Variants in ERC2 observed in about 807,000 individuals in gnomAD.
ERC2 encodes ERC protein 2.
Under a neutral mutation model 114.8 loss-of-function variants are expected in ERC2, and 42 were observed. The observed-to-expected ratio is 0.37, with a 90% CI of 0.29 to 0.47. ERC2 has a LOEUF of 0.47. Ranked by LOEUF, ERC2 falls within the 20% of genes least tolerant of loss-of-function variation. ERC2 has a pLI of 0.99. For synonymous variants in ERC2, 454 were observed against 425.5 expected (o/e 1.07, Z -0.82); for missense variants, 939 against 1,150.7 (o/e 0.82, Z 2.66).
intron 14 of ERC2, among the ~76,000 whole-genome samples, chr3:55,837,595 G>A (rs146155564): frequency 0.013 from 1,697 of 128,960 alleles, 34 homozygotes; most frequent in African/African-American, 0.044. Context: ...CACACTCTGG[G>A]GACTGTTGTG....
At chr3:56,126,354 T>A (rs1174198957) in intron 6 of ERC2, among the ~76,000 whole-genome samples, 1 of 152,190 alleles carries the variant, frequency 6.6e-6, no homozygotes, top group Non-Finnish European at 1.5e-5. Flanking sequence ...ACATAAACCA[T>A]GTGATCATTT....
At chr3:56,238,968 T>A (rs1476876700) in intron 3 of ERC2, among the ~76,000 whole-genome samples, 1 of 152,222 alleles carries the variant, frequency 6.6e-6, no homozygotes, top group Non-Finnish European at 1.5e-5. Context: ...TCAGGTTGCA[T>A]GCCCTATAAA....
intron 2 of ERC2, among the ~76,000 whole-genome samples, chr3:56,374,002 A>G (rs192514324): frequency 6.6e-6 from 1 of 152,214 alleles, no homozygotes; most frequent in East Asian, 1.9e-4. Flanking sequence ...TCTAAAGAGG[A>G]GTTGTCCCAG....
chr3:55,573,039 T>G (rs2107530161), intron 17 of ERC2, among the ~76,000 whole-genome samples: 1 of 152,230 alleles, frequency 6.6e-6, no homozygotes, highest in South Asian at 2.1e-4. Flanking sequence ...AGAGAACAGG[T>G]TTGACCGCAA....
chr3:55,873,093 AG>A (rs2062660607), intron 14 of ERC2, among the ~76,000 whole-genome samples: 2 of 152,190 alleles, frequency 1.3e-5, no homozygotes, highest in African/African-American at 4.8e-5. Context: ...CAATCTCAAC[AG>A]GGCTGCCCTG....
intron 14 of ERC2, among the ~76,000 whole-genome samples, chr3:55,815,981 C>G (rs1411153226): frequency 6.6e-6 from 1 of 152,226 alleles, no homozygotes; most frequent in East Asian, 1.9e-4. Flanking sequence ...AGCTGGGATT[C>G]TGCTCCACCA....
intron 3 of ERC2, among the ~76,000 whole-genome samples, chr3:56,250,987 G>A (rs1383644793): frequency 6.6e-6 from 1 of 152,142 alleles, no homozygotes; most frequent in Admixed American, 6.5e-5. Flanking sequence ...AGAACATGAA[G>A]GAGACTTTAA....
At chr3:55,816,214 G>C (rs934486592) in intron 14 of ERC2, among the ~76,000 whole-genome samples, 4 of 151,930 alleles carry the variant, frequency 2.6e-5, no homozygotes, top group Non-Finnish European at 4.4e-5. Context: ...GCGTGTATCG[G>C]ATGGGAGAGG....
intron 3 of ERC2, among the ~76,000 whole-genome samples, chr3:56,229,607 A>G (rs2050473620): frequency 6.6e-6 from 1 of 152,206 alleles, no homozygotes; most frequent in Admixed American, 6.5e-5. Context: ...AAGCTAAAGC[A>G]ATCAAAGATA....
chr3:56,337,366 G>A (rs1254495798), intron 2 of ERC2, among the ~76,000 whole-genome samples: 1 of 152,138 alleles, frequency 6.6e-6, no homozygotes, highest in African/African-American at 2.4e-5. Context: ...TCAGGTTTTG[G>A]AGTCAAAGAG....
At chr3:55,721,876 G>A (rs1170053860) in intron 15 of ERC2, among the ~76,000 whole-genome samples, 5 of 152,188 alleles carry the variant, frequency 3.3e-5, no homozygotes, top group Admixed American at 2.6e-4. Context: ...CACCCAAGGT[G>A]GCCCAGAGCC....
intron 14 of ERC2, among the ~76,000 whole-genome samples, chr3:55,797,671 A>C (rs1359402273): frequency 6.6e-6 from 1 of 152,216 alleles, no homozygotes; most frequent in African/African-American, 2.4e-5. Flanking sequence ...ATTATTAATT[A>C]ACTACAGAAT....
intron 2 of ERC2, among the ~76,000 whole-genome samples, chr3:56,358,659 G>A (rs2058833825): frequency 6.6e-6 from 1 of 152,250 alleles, no homozygotes; most frequent in Admixed American, 6.5e-5. Context: ...GGGGCCTAAA[G>A]CCAGATTCCT....
intron 7 of ERC2, among the ~76,000 whole-genome samples, chr3:56,036,970 GAAAC>G (rs1376155903): frequency 6.6e-6 from 1 of 151,944 alleles, no homozygotes; most frequent in East Asian, 1.9e-4. Flanking sequence ...TGTTAAAAGA[GAAAC>G]AAACAAACAA....
At chr3:55,549,581 T>C (rs2055007861) in intron 17 of ERC2, among the ~76,000 whole-genome samples, 1 of 151,674 alleles carries the variant, frequency 6.6e-6, no homozygotes, top group Non-Finnish European at 1.5e-5. Flanking sequence ...GCAAGGCTGT[T>C]ATATCAGGTA....
At chr3:55,960,963 C>T (rs1305588509) in intron 12 of ERC2, among the ~76,000 whole-genome samples, 2 of 152,228 alleles carry the variant, frequency 1.3e-5, no homozygotes, top group African/African-American at 2.4e-5. Flanking sequence ...GGCAAAACCC[C>T]GTCTCTATTC....
At chr3:56,217,319 A>C (rs1433681865) in intron 3 of ERC2, among the ~76,000 whole-genome samples, 3 of 152,208 alleles carry the variant, frequency 2.0e-5, no homozygotes, top group Non-Finnish European at 2.9e-5. Flanking sequence ...AATGTGCAAA[A>C]ATCACAAGCA....
rs200251944 is a variant in ERC2, at chr3:56,410,012, A to G, written c.657+24339T>C. Among the ~76,000 whole-genome samples, 3 of 152,314 alleles carry G rather than the reference A, an allele frequency of 2.0e-5. No individual in the cohort carries two copies. In the East Asian group the frequency reaches 5.8e-4, roughly 29 times the overall value. Reference sequence around the variant, plus strand: ...CTGTTGTGGGCAGACCTGAGACTGCAAAAGTCTGTGCTGTTCCTATTTTCT... The same window carrying G: ...CTGTTGTGGGCAGACCTGAGACTGCGAAAGTCTGTGCTGTTCCTATTTTCT... On this transcript the variant is annotated intron_variant, in intron 2 of 17. Coordinates refer to ENST00000288221, the MANE Select transcript of ERC2 (RefSeq NM_015576.3).
At chr3:56,020,531 A>G (rs1050334599) in intron 7 of ERC2, among the ~76,000 whole-genome samples, 7 of 152,230 alleles carry the variant, frequency 4.6e-5, no homozygotes, top group African/African-American at 1.7e-4. Flanking sequence ...CCTTCCAGAC[A>G]AATGTTCACA....
Sources: allele counts gnomAD v4.1 joint callset (sites outside exome capture counted in the v4.1 genomes callset), GRCh38; gene constraint gnomAD v4.1.1; transcripts MANE v1.5; gene names NCBI Gene and HGNC (gene_info 2026-07-23, HGNC 2026-07-21).